Variants in FCHSD2 observed in about 807,000 individuals in gnomAD.
The protein encoded by FCHSD2 is F-BAR and double SH3 domains protein 2.
Under a neutral mutation model 108.1 loss-of-function variants are expected in FCHSD2, and 38 were observed. That is an observed-to-expected ratio of 0.35 (90% CI 0.27 to 0.46). The LOEUF (loss-of-function observed/expected upper bound fraction) is 0.46. Ranked by LOEUF, FCHSD2 falls within the 20% of genes least tolerant of loss-of-function variation. The pLI, the probability that FCHSD2 is intolerant of heterozygous loss-of-function variation, is 1.00. For missense variants in FCHSD2, 751 were observed against 897.8 expected, an observed-to-expected ratio of 0.84 and a Z score of 2.09; for synonymous variants, 279 against 314.7, an observed-to-expected ratio of 0.89 and a Z score of 1.20.
At chr11:73,056,810 C>T (rs758368115) in intron 3 of FCHSD2, among the ~76,000 whole-genome samples, 3 of 152,118 alleles carry the variant, frequency 2.0e-5, no homozygotes, top group African/African-American at 4.8e-5. Context: ...AGGCCGGGCG[C>T]GGTGGCTCAC....
At chr11:73,050,594 A>G (rs1253372862) in intron 3 of FCHSD2, among the ~76,000 whole-genome samples, 1 of 152,172 alleles carries the variant, frequency 6.6e-6, no homozygotes, top group African/African-American at 2.4e-5. Flanking sequence ...ATGGTTTTTC[A>G]GTAACAGGTG....
chr11:73,027,475 C>A (rs1858255746), intron 3 of FCHSD2, among the ~76,000 whole-genome samples: 1 of 151,956 alleles, frequency 6.6e-6, no homozygotes, highest in Non-Finnish European at 1.5e-5. Context: ...ACAGTCATAT[C>A]CAGTCATAAA....
intron 10 of FCHSD2, among the ~76,000 whole-genome samples, chr11:72,898,479 T>C (rs1012378272): frequency 6.6e-6 from 1 of 152,228 alleles, no homozygotes; most frequent in African/African-American, 2.4e-5. Context: ...ATTCAAACTA[T>C]AAAATTCAAA....
intron 3 of FCHSD2, among the ~76,000 whole-genome samples, chr11:73,079,946 C>T (rs1238065305): frequency 6.6e-6 from 1 of 152,022 alleles, no homozygotes; most frequent in African/African-American, 2.4e-5. Flanking sequence ...AGTTTACATA[C>T]ATTATTATAT....
chr11:72,995,924 A>G (rs1857512133), intron 5 of FCHSD2, among the ~76,000 whole-genome samples: 1 of 152,172 alleles, frequency 6.6e-6, no homozygotes, highest in African/African-American at 2.4e-5. Context: ...TTTTTACTGT[A>G]GACTTAAGGG....
intron 8 of FCHSD2, among the ~76,000 whole-genome samples, chr11:72,965,719 C>A (rs1047003260): frequency 5.3e-5 from 8 of 152,166 alleles, no homozygotes; most frequent in Non-Finnish European, 1.0e-4. Flanking sequence ...TATGTACACC[C>A]CTCACCCAAG....
At chr11:73,090,034 A>C (rs1490092932) in intron 2 of FCHSD2, among the ~76,000 whole-genome samples, 2 of 152,126 alleles carry the variant, frequency 1.3e-5, no homozygotes, top group African/African-American at 4.8e-5. Flanking sequence ...AATATACCTA[A>C]ATATATCTAC....
intron 3 of FCHSD2, among the ~76,000 whole-genome samples, chr11:73,078,626 A>C (rs907374075): frequency 6.7e-6 from 1 of 148,728 alleles, no homozygotes; most frequent in African/African-American, 2.5e-5. Context: ...AAAAATAACA[A>C]CTATTCTGAT....
At chr11:72,904,137 A>G (rs1332139255) in intron 9 of FCHSD2, among the ~76,000 whole-genome samples, 1 of 152,206 alleles carries the variant, frequency 6.6e-6, no homozygotes. Flanking sequence ...AGATGAGGTG[A>G]GGAGTTGTCA....
chr11:73,002,046 T>C lies in FCHSD2; in HGVS notation c.243-912A>G, dbSNP rs79158392. The stretch of plus-strand genomic sequence containing the variant: ...GTCCTTAAAGTGAAATTCTGATAGA[T>C]TATAATATTCATCTCCTGAGATTTC... On this transcript the variant is annotated intron_variant, in intron 4 of 19. Coordinates refer to ENST00000409418, the MANE Select transcript of FCHSD2 (RefSeq NM_014824.3). Among the ~76,000 whole-genome samples, 827 of 152,292 alleles carry C rather than the reference T, an allele frequency of 5.4e-3. 4 individuals carry two copies. Among genetic ancestry groups the C allele is most frequent in the South Asian group, 0.014 (69 of 4,824 alleles).
chr11:72,995,960 TA>T (rs1857512566), intron 5 of FCHSD2, among the ~76,000 whole-genome samples: 1 of 151,838 alleles, frequency 6.6e-6, no homozygotes. Context: ...GTTGTATAAT[TA>T]AAGAAAGCAG....
chr11:72,870,629 G>A (rs752103403), intron 12 of FCHSD2, among the ~76,000 whole-genome samples: 25 of 149,764 alleles, frequency 1.7e-4, no homozygotes, highest in Non-Finnish European at 3.4e-4. Context: ...GGCCAGGTGC[G>A]GTGGCTCACG....
chr11:72,887,674 G>T (rs1591371182), intron 11 of FCHSD2, 100 bp from the exon 12 acceptor site: 84 of 686,768 alleles, frequency 1.2e-4, no homozygotes, highest in Non-Finnish European at 7.0e-6. Flanking sequence ...TTAGTGACTA[G>T]TAGCCATAAT....
intron 9 of FCHSD2, among the ~76,000 whole-genome samples, chr11:72,911,984 T>C (rs1422344079): frequency 6.6e-6 from 1 of 152,250 alleles, no homozygotes; most frequent in Non-Finnish European, 1.5e-5. Context: ...TGCTACTTAT[T>C]TTTGTATGTT....
chr11:72,869,381 G>A (rs911087731), intron 12 of FCHSD2, among the ~76,000 whole-genome samples: 1 of 151,374 alleles, frequency 6.6e-6, no homozygotes, highest in Non-Finnish European at 1.5e-5. Flanking sequence ...AGCAGGGCAA[G>A]AGAAGGGGAA....
intron 8 of FCHSD2, among the ~76,000 whole-genome samples, chr11:72,949,547 CCT>C (rs1856584550): frequency 6.6e-6 from 1 of 152,172 alleles, no homozygotes; most frequent in Non-Finnish European, 1.5e-5. Flanking sequence ...GCCCTCTCCC[CCT>C]GTGCCTGGCA....
chr11:72,885,602 G>C (rs868084701), intron 12 of FCHSD2, among the ~76,000 whole-genome samples: 1 of 152,084 alleles, frequency 6.6e-6, no homozygotes, highest in Non-Finnish European at 1.5e-5. Context: ...CATGGGGTCT[G>C]GAAATGGAAA....
At chr11:72,989,242 T>C (rs757587261) in intron 5 of FCHSD2, 145 bp from the exon 6 acceptor site, 21 of 561,358 alleles carry the variant, frequency 3.7e-5, no homozygotes, top group South Asian at 6.2e-5. Context: ...AATTGCAGAT[T>C]AAAATCCTGT....
rs1212666010 is a variant in FCHSD2 at position 72,970,903 on chromosome 11, A to G, written c.705+13185T>C. ...CAACATTGTGAGAAAGGCAATACCA[A>G]GAAGCCAAGTGCAGAAGCTCCAGCT... On this transcript the variant is annotated intron_variant, in intron 8 of 19. Coordinates refer to ENST00000409418, the MANE Select transcript of FCHSD2 (RefSeq NM_014824.3). 2.0e-5 allele frequency among the ~76,000 whole-genome samples: 3 copies of G among 152,318 alleles called. No homozygotes were observed. The East Asian group carries it at 5.8e-4, about 29-fold the overall frequency.
Sources: allele counts gnomAD v4.1 joint callset (sites outside exome capture counted in the v4.1 genomes callset), GRCh38; gene constraint gnomAD v4.1.1; transcripts MANE v1.5; gene names NCBI Gene and HGNC (gene_info 2026-07-23, HGNC 2026-07-21).